Variants in AHR observed in about 807,000 individuals in gnomAD.
AHR encodes aryl hydrocarbon receptor, also known as AH-receptor.
A neutral mutation model predicts 86.8 loss-of-function variants in AHR; 40 were observed. The ratio of observed to expected loss-of-function variants is 0.46; its 90% confidence interval spans 0.36 to 0.60. AHR has a LOEUF of 0.60. Among genes scored for constraint, AHR ranks in the 20% least tolerant of loss-of-function variants. AHR has a pLI of 0.00. For missense variants in AHR, 1,001 were observed against 1,011.6 expected (o/e 0.99, Z 0.14); for synonymous variants, 398 against 354.9 (o/e 1.12, Z -1.37).
rs778254522 is a variant in AHR, at chr7:17,342,985, C to T, written c.2468C>T (p.Thr823Ile). Residue 823 changes from threonine to isoleucine, a missense_variant, in exon 11 of 11, where the codon ACT becomes ATT. Physicochemically the swap from Thr to Ile is moderately conservative, Grantham distance 89 (BLOSUM62 -1). Around this residue, in one of 2 missense-constraint regions of AHR, gnomAD observed 607 missense variants for 543.1 expected, o/e 1.12. Transcript: ENST00000242057. ...AELNNINNTQ[T>I]TTHLQPLHHP... ...TTAAATAACATAAATAACACTCAGACTACCACACATCTTCAGCCACTTCAT... is the reference window on the plus strand; with the variant it reads ...TTAAATAACATAAATAACACTCAGATTACCACACATCTTCAGCCACTTCAT... The T allele has an allele frequency of 8.1e-6, 13 of 1,613,270 alleles. No individual in the cohort carries two copies. The highest frequency in any genetic ancestry group is 1.1e-5 in the Non-Finnish European group (13 of 1,179,372).
intron 2 of AHR, among the ~76,000 whole-genome samples, chr7:17,318,140 G>A (rs1419035257): frequency 2.0e-5 from 3 of 152,110 alleles, no homozygotes; most frequent in East Asian, 1.9e-4. Context: ...TCCCTGGCAA[G>A]ATCATCTTTC....
At chr7:17,305,096 A>G (rs571348252) in intron 1 of AHR, among the ~76,000 whole-genome samples, 6 of 152,256 alleles carry the variant, frequency 3.9e-5, no homozygotes, top group African/African-American at 1.4e-4. Flanking sequence ...GGGAAAGGAA[A>G]GAACTCATCA....
intron 1 of AHR, among the ~76,000 whole-genome samples, chr7:17,302,694 A>G (rs1781966165): frequency 1.3e-5 from 2 of 150,362 alleles, no homozygotes; most frequent in South Asian, 5.2e-4. Flanking sequence ...GATCTAAACT[A>G]AAAAATGAGG....
intron 1 of AHR, among the ~76,000 whole-genome samples, chr7:17,309,235 G>T (rs1782037374): frequency 6.6e-6 from 1 of 152,186 alleles, no homozygotes; most frequent in Non-Finnish European, 1.5e-5. Context: ...AGCTACGAAA[G>T]CTAATAATTA....
At chr7:17,337,556 G>A (rs1262990705) in intron 9 of AHR, among the ~76,000 whole-genome samples, 1 of 148,180 alleles carries the variant, frequency 6.7e-6, no homozygotes, top group Non-Finnish European at 1.5e-5. Context: ...CTCACTGCAA[G>A]CTCCGCCACC....
intron 7 of AHR, 71 bp downstream of exon 7, chr7:17,334,185 A>C (rs905661902): frequency 6.0e-6 from 8 of 1,332,120 alleles, no homozygotes; most frequent in Middle Eastern, 1.8e-4. Flanking sequence ...CTTAGCATGT[A>C]AAACATACAG....
chr7:17,316,533 C>A (rs923314257), intron 2 of AHR, among the ~76,000 whole-genome samples: 1 of 152,148 alleles, frequency 6.6e-6, no homozygotes, highest in African/African-American at 2.4e-5. Flanking sequence ...GGGAAGATAT[C>A]TTGAGCCCAG....
intron 9 of AHR, 68 bp downstream of exon 9, chr7:17,335,854 A>G: frequency 6.8e-7 from 1 of 1,477,236 alleles, no homozygotes; most frequent in Non-Finnish European, 9.2e-7. Context: ...TGAAAGCATA[A>G]AAATAATTCA....
At chr7:17,328,341 T>G (rs2115362939) in intron 4 of AHR, among the ~76,000 whole-genome samples, 2 of 152,102 alleles carry the variant, frequency 1.3e-5, no homozygotes, top group East Asian at 3.9e-4. Flanking sequence ...CATAGGAATA[T>G]TGAAGTACTG....
At chr7:17,315,874 CAA>C (rs1247669792) in intron 2 of AHR, among the ~76,000 whole-genome samples, 2 of 152,012 alleles carry the variant, frequency 1.3e-5, no homozygotes, top group Non-Finnish European at 2.9e-5. Flanking sequence ...ATGAGTAACT[CAA>C]ATTCGTTTAT....
intron 2 of AHR, among the ~76,000 whole-genome samples, chr7:17,312,451 CACAT>C (rs1170965015): frequency 6.6e-6 from 1 of 152,122 alleles, no homozygotes; most frequent in African/African-American, 2.4e-5. Flanking sequence ...GTGTGAAACA[CACAT>C]ATATAAACAG....
chr7:17,304,754 T>C (rs1237881798), intron 1 of AHR, among the ~76,000 whole-genome samples: 1 of 152,138 alleles, frequency 6.6e-6, no homozygotes, highest in Non-Finnish European at 1.5e-5. Flanking sequence ...ATTATTTGTC[T>C]TTGAAACTAC....
rs1782454735 is a variant in AHR at position 17,343,876 on chromosome 7, A to G, written c.*812A>G. The G allele has an allele frequency of 6.6e-6, 1 of 152,550 alleles. No homozygotes were observed. The highest frequency in any genetic ancestry group is 6.5e-5 in the Admixed American group (1 of 15,272). 9.4% of individuals were successfully genotyped at this position (152,550 alleles called of 1,614,324 possible). On this transcript the variant is annotated 3_prime_UTR_variant, in exon 11 of 11. Transcript: ENST00000242057. ...AATGTTGCTATGTGCCTTATGTTGA[A>G]AAAATTTAAAAGTAAAATGTCTTTC...
chr7:17,338,079 G>T (rs187356114), intron 9 of AHR, among the ~76,000 whole-genome samples: 1,662 of 151,198 alleles, frequency 0.011, 14 homozygotes, highest in Non-Finnish European at 0.017. Context: ...GGCGCCTGTA[G>T]TCCCAGCTAC....
At chr7:17,306,921 G>A (rs189346067) in intron 1 of AHR, among the ~76,000 whole-genome samples, 19 of 152,014 alleles carry the variant, frequency 1.2e-4, no homozygotes, top group African/African-American at 4.6e-4. Flanking sequence ...TATTATGCTG[G>A]GCATTAAGGA....
In AHR at chr7:17,325,949, T is replaced by TG. The variant is rs907125512; in HGVS notation, c.361-1810_361-1809insG. Among the ~76,000 whole-genome samples, 116 of 152,060 alleles carry TG rather than the reference T, an allele frequency of 7.6e-4. 2 individuals are homozygous for TG. The highest frequency in any genetic ancestry group is 1.9e-4 in the East Asian group (1 of 5,176). The stretch of plus-strand genomic sequence containing the variant: ...GCACTTGTACCACTGAACTTAAAAG[T>TG]AAAAAAATAGAACAAAACAGTCAGA... On this transcript the variant is annotated intron_variant, in intron 3 of 10. Coordinates refer to ENST00000242057, the MANE Select transcript of AHR (RefSeq NM_001621.5).
chr7:17,310,255 A>G, intron 2 of AHR, 132 bp downstream of exon 2: 1 of 818,898 alleles, frequency 1.2e-6, no homozygotes, highest in Non-Finnish European at 1.8e-6. Context: ...GTAAAATTTC[A>G]GTGGCAAAGC....
intron 1 of AHR, among the ~76,000 whole-genome samples, chr7:17,302,925 G>A (rs1325700367): frequency 6.6e-6 from 1 of 151,934 alleles, no homozygotes. Flanking sequence ...CCGTGAAACA[G>A]TAAGAGGCAG....
At chr7:17,341,768 A>G (rs1249202130) in intron 10 of AHR, among the ~76,000 whole-genome samples, 1 of 152,210 alleles carries the variant, frequency 6.6e-6, no homozygotes, top group Admixed American at 6.5e-5. Context: ...AAAAAGAAAC[A>G]GGTAAAATTA....
Sources: allele counts gnomAD v4.1 joint callset (sites outside exome capture counted in the v4.1 genomes callset), GRCh38; gene constraint gnomAD v4.1.1; regional missense constraint gnomAD v4.1.1; transcripts MANE v1.5; gene names NCBI Gene and HGNC (gene_info 2026-07-23, HGNC 2026-07-21).